Variants in FAM53C observed in about 807,000 individuals in gnomAD.
FAM53C encodes protein FAM53C.
A neutral mutation model predicts 34.7 loss-of-function variants in FAM53C; 10 were observed. That is an observed-to-expected ratio of 0.29 (90% confidence interval 0.18 to 0.49). The LOEUF is 0.49. Among genes scored for constraint, FAM53C ranks in the 20% least tolerant of loss-of-function variants. The probability of loss-of-function intolerance (pLI) is 0.99; values close to 1 mark genes in which losing one functional copy is unlikely to be tolerated. For missense variants in FAM53C, 442 were observed against 515.3 expected, an observed-to-expected ratio of 0.86 and a Z score of 1.38; for synonymous variants, 203 against 203.6, an observed-to-expected ratio of 1.00 and a Z score of 0.03.
Position 138,341,881 on chromosome 5 carries a change from G to A in FAM53C, c.136+15G>A, listed in dbSNP as rs1294224397. ...GCTTGTGTCTGGTAAGGCATCGTGT[G>A]TGTTTGTGTACGTGTGTGTACCCAT... is the stretch of plus-strand genomic sequence containing the variant. On this transcript the variant is annotated intron_variant, in intron 3 of 4. Transcript: ENST00000239906. 6.2e-7 allele frequency: 1 copy of A among 1,613,716 alleles called. No homozygotes were observed. The highest frequency in any genetic ancestry group is 2.2e-5 in the East Asian group (1 of 44,884).
rs549665147 is a variant in FAM53C, at chr5:138,341,199, C to T, written c.-137C>T. 6.2e-4 allele frequency: 489 copies of T among 794,378 alleles called. 5 individuals are homozygous for T. In the South Asian group the frequency reaches 6.4e-3, roughly 10 times the overall value. 49.2% of individuals were successfully genotyped at this position (794,378 alleles called of 1,614,324 possible). A position where few individuals can be genotyped will look rare whatever the true frequency, so the allele number is the denominator to read the frequency against. ...TAATTGGCAGACTCAGCAGGCATGA[C>T]TGGAGAGGGAAGTCCCAATGGTGCT... On this transcript the variant is annotated 5_prime_UTR_variant, in exon 2 of 5. Coordinates refer to ENST00000239906, the MANE Select transcript of FAM53C (RefSeq NM_016605.3).
At chr5:138,344,272 C>T (rs1032316922) in intron 3 of FAM53C, among the ~76,000 whole-genome samples, 41 of 152,294 alleles carry the variant, frequency 2.7e-4, no homozygotes, top group African/African-American at 9.4e-4. Flanking sequence ...GTTTGCCCTC[C>T]CTAGGAATAA....
At chr5:138,342,598 A>C (rs905497746) in intron 3 of FAM53C, 1 of 152,300 alleles carries the variant, frequency 6.6e-6, no homozygotes, top group African/African-American at 2.4e-5. Flanking sequence ...GTCGTGGCGC[A>C]TGCCTGTAAT....
intron 3 of FAM53C, 37 bp from the exon 4 acceptor site, chr5:138,344,787 CT>C (rs1300359322): frequency 1.4e-6 from 2 of 1,468,020 alleles, no homozygotes; most frequent in Non-Finnish European, 1.8e-6. Context: ...AAAATGTAAG[CT>C]ATCATTAATA....
At chr5:138,339,181 C>T (rs1176969768) in intron 1 of FAM53C, among the ~76,000 whole-genome samples, 2 of 152,182 alleles carry the variant, frequency 1.3e-5, no homozygotes, top group African/African-American at 2.4e-5. Context: ...CTGTCTCTAC[C>T]CTTCAGATAC....
At position 138,347,123 on chromosome 5, in the gene FAM53C, C is replaced by G. The variant is rs1761202726; in HGVS notation, c.*164C>G. On this transcript the variant is annotated 3_prime_UTR_variant, in exon 5 of 5. Coordinates refer to ENST00000239906, the MANE Select transcript of FAM53C (RefSeq NM_016605.3). Reference sequence around the variant, plus strand: ...CTCGCTCCAGCAAGCTCGACCATGCCAAGAGACTGGCCGGGACAAGATAAA... The same window carrying G: ...CTCGCTCCAGCAAGCTCGACCATGCGAAGAGACTGGCCGGGACAAGATAAA... The G allele has an allele frequency of 2.1e-6, 2 of 970,226 alleles. No individual in the cohort carries two copies. The highest frequency in any genetic ancestry group is 3.2e-5 in the African/African-American group (2 of 61,638). The allele number at this position is 970,226 out of a possible 1,614,324, so 60.1% of individuals were successfully genotyped here.
At chr5:138,338,593 C>A (rs1014893757) in intron 1 of FAM53C, among the ~76,000 whole-genome samples, 1 of 148,184 alleles carries the variant, frequency 6.7e-6, no homozygotes, top group South Asian at 2.1e-4. Context: ...TGGCGCACCC[C>A]CCCCCCCGCC....
In FAM53C at chr5:138,341,351, A is replaced by G. The variant is rs199889698; in HGVS notation, c.16A>G (p.Thr6Ala). The G allele has an allele frequency of 6.3e-5, 101 of 1,613,960 alleles. No homozygotes were observed. The highest frequency in any genetic ancestry group is 8.1e-5 in the Non-Finnish European group (96 of 1,179,942). The change falls in exon 2 of 5, where the codon ACT becomes GCT. Residue 6 changes from threonine to alanine, a missense_variant. By Grantham distance (58) the Thr-to-Ala change is moderately conservative. Transcript: ENST00000239906. MITLITEQLQKQTLDE... is the reference protein window; with the variant it reads MITLIAEQLQKQTLDE... ...GGGGAGAATCATGATAACCCTGATC[A>G]CTGAGCAGCTACAGAAGCAGACTCT...
In FAM53C at chr5:138,345,049, C is replaced by T; in HGVS notation, c.361C>T (p.Leu121Phe). Residue 121 changes from leucine to phenylalanine, a missense_variant, in exon 4 of 5, where the codon CTC becomes TTC. Physicochemically the swap from Leu to Phe is conservative, Grantham distance 22. Coordinates refer to ENST00000239906, the MANE Select transcript of FAM53C (RefSeq NM_016605.3). The surrounding 1 kb of genome is among the most constrained non-coding windows in gnomAD (Gnocchi z 6.3). ...APPSKRHCRS[L>F]SVPVDLSRWQ... is the part of the protein sequence containing the mutation. ...TCCATCCAAGAGGCACTGCCGCTCA[C>T]TCTCAGTGCCCGTGGACCTGTCTCG... 5.0e-6 allele frequency: 8 copies of T among 1,613,990 alleles called. No individual in the cohort carries two copies. Among genetic ancestry groups the T allele is most frequent in the Non-Finnish European group, 5.9e-6 (7 of 1,179,892 alleles).
rs754474636 is a variant in FAM53C, at chr5:138,345,325, G to T, written c.637G>T (p.Gly213Cys). 1 of 1,614,222 alleles carries T rather than the reference G, an allele frequency of 6.2e-7. No homozygotes were observed. Among genetic ancestry groups the T allele is most frequent in the Admixed American group, 1.7e-5 (1 of 60,032 alleles). The change falls in exon 4 of 5, where the codon GGC becomes TGC. Residue 213 changes from glycine (G) to cysteine (C), a missense_variant. Gly to Cys is a radical substitution (Grantham distance 159). Transcript: ENST00000239906. This position sits in a 1 kb window ranked among gnomAD's most constrained non-coding sequence, Gnocchi z 6.3. ...SRPCAASPQSGSWESDAESLS... is the reference protein window; with the variant it reads ...SRPCAASPQSCSWESDAESLS... ...ACCCTGCGCCGCCTCCCCTCAAAGT[G>T]GCTCCTGGGAGAGTGATGCTGAGTC...
At chr5:138,338,864 G>A (rs929247216) in intron 1 of FAM53C, among the ~76,000 whole-genome samples, 2 of 152,214 alleles carry the variant, frequency 1.3e-5, no homozygotes, top group African/African-American at 4.8e-5. Context: ...GGGACCTGAG[G>A]GGAAGGTCCC....
upstream of FAM53C, chr5:138,338,146 C>T (rs1266679400): frequency 1.6e-6 from 2 of 1,289,834 alleles, no homozygotes; most frequent in Non-Finnish European, 1.0e-6. Flanking sequence ...CACGGAGCTG[C>T]GCCCTCCATG....
chr5:138,346,629 A>G, intron 4 of FAM53C, 73 bp from the exon 5 acceptor site: 2 of 1,590,436 alleles, frequency 1.3e-6, no homozygotes, highest in Non-Finnish European at 1.7e-6. Flanking sequence ...GTCTCAAAAA[A>G]AAAAAGTTTA....
chr5:138,343,586 A>G (rs748573153), intron 3 of FAM53C: 3 of 152,192 alleles, frequency 2.0e-5, no homozygotes, highest in Admixed American at 6.5e-5. Flanking sequence ...ACATGTGAAA[A>G]TATATCTGAG....
At position 138,345,390 on chromosome 5, in the gene FAM53C, A is replaced by G. The variant is rs762973002; in HGVS notation, c.702A>G (p.Ser234=). The change falls in exon 4 of 5, where the codon TCA becomes TCG. Residue 234 remains serine, a synonymous_variant. Coordinates refer to ENST00000239906, the MANE Select transcript of FAM53C (RefSeq NM_016605.3). The surrounding 1 kb of genome is among the most constrained non-coding windows in gnomAD (Gnocchi z 6.3). ...PCPPQRRFSL[S]PSLGPQASRF... ...CACCTCAGCGCCGCTTCTCCCTGTC[A>G]CCCAGTCTGGGCCCGCAGGCAAGCC... 2 of 1,613,502 alleles carry G rather than the reference A, an allele frequency of 1.2e-6. No homozygotes were observed. The highest frequency in any genetic ancestry group is 1.1e-5 in the South Asian group (1 of 91,058).
chr5:138,344,903 C>G lies in FAM53C; in HGVS notation c.215C>G (p.Ser72Ter), dbSNP rs1282396290. 3 of 1,613,496 alleles carry G rather than the reference C, an allele frequency of 1.9e-6. No homozygotes were observed. Among genetic ancestry groups the G allele is most frequent in the Non-Finnish European group, 2.5e-6 (3 of 1,179,778 alleles). The stretch of plus-strand genomic sequence containing the variant: ...AGCCTCAACTTCAGCTACCATCCCT[C>G]AGGCCTGAGCCTGCACCTCAGACCA... ...QDSLNFSYHP[S>*]GLSLHLRPPS... is the part of the protein sequence containing the mutation. Residue 72 changes from serine to a stop codon, truncating the protein, a stop_gained, in exon 4 of 5, where the codon TCA becomes TGA. Coordinates refer to ENST00000239906, the MANE Select transcript of FAM53C (RefSeq NM_016605.3). LOFTEE classifies it high-confidence loss of function.
intron 3 of FAM53C, among the ~76,000 whole-genome samples, chr5:138,344,553 G>C (rs2126888800): frequency 6.6e-6 from 1 of 152,328 alleles, no homozygotes; most frequent in African/African-American, 2.4e-5. Context: ...TCACAATGGA[G>C]GCAATAGAGC....
chr5:138,337,884 G>T, upstream of FAM53C: 1 of 1,115,662 alleles, frequency 9.0e-7, no homozygotes, highest in Non-Finnish European at 1.2e-6. Flanking sequence ...TGCGTGACGC[G>T]GCCCGAACCG....
Position 138,347,187 on chromosome 5 carries a change from CT to C in FAM53C, c.*230del. 1.7e-6 allele frequency: 1 copy of C among 592,732 alleles called. No individual in the cohort carries two copies. Among genetic ancestry groups the C allele is most frequent in the Non-Finnish European group, 2.9e-6 (1 of 343,564 alleles). The allele number at this position is 592,732 out of a possible 1,614,324, so 36.7% of individuals were successfully genotyped here. A position where few individuals can be genotyped will look rare whatever the true frequency, so the allele number is the denominator to read the frequency against. The stretch of plus-strand genomic sequence containing the variant: ...GGGAGGGACAGCCCCAGAGCAGACC[CT>C]TCCTATGGCGGCCCTGAGTGTGAGT... On this transcript the variant is annotated 3_prime_UTR_variant, in exon 5 of 5. Coordinates refer to ENST00000239906, the MANE Select transcript of FAM53C (RefSeq NM_016605.3).
Sources: gnomAD v4.1 joint callset for allele counts (sites outside exome capture counted in the v4.1 genomes callset) on GRCh38, gnomAD v4.1.1 for gene constraint, Gnocchi (gnomAD v3.1) non-coding constraint, MANE v1.5 for transcripts, NCBI Gene and HGNC (gene_info 2026-07-23, HGNC 2026-07-21) for gene names.